TBC1D8: variants seen among roughly 807,000 people sequenced by gnomAD.
The protein encoded by TBC1D8 is BUB2-like protein 1.
In TBC1D8, 65 loss-of-function variants were observed where a neutral mutation model predicts 118.8. The ratio of observed to expected loss-of-function variants is 0.55; its 90% CI spans 0.45 to 0.67. TBC1D8 has a LOEUF of 0.67. Among genes scored for constraint, TBC1D8 ranks in the 30% least tolerant of loss-of-function variants. The pLI is 0.00. For synonymous variants in TBC1D8, 566 were observed against 595.8 expected, an observed-to-expected ratio of 0.95 and a Z score of 0.73; for missense variants, 1,376 against 1,471.2, an observed-to-expected ratio of 0.94 and a Z score of 1.06.
chr2:101,129,313 T>C (rs1276856579), intron 1 of TBC1D8, among the ~76,000 whole-genome samples: 2 of 151,998 alleles, frequency 1.3e-5, no homozygotes, highest in Non-Finnish European at 2.9e-5. Context: ...GCTAATGTTT[T>C]TGTATTTTTA....
chr2:101,105,613 T>TAG (rs1677157133), intron 1 of TBC1D8, among the ~76,000 whole-genome samples: 1 of 135,246 alleles, frequency 7.4e-6, no homozygotes, highest in African/African-American at 2.7e-5. Flanking sequence ...AAAAAACATA[T>TAG]ATATATATAT....
chr2:101,118,566 A>G lies in TBC1D8; in HGVS notation c.128-28202T>C, dbSNP rs541466955. Among the ~76,000 whole-genome samples the G allele has an allele frequency of 3.7e-4, 56 of 152,062 alleles. No homozygotes were observed. In the South Asian group the frequency reaches 4.4e-3, roughly 12 times the overall value. ...AAAAAAATTAGCCAGGCTTGGTGGC[A>G]GGCACCTGTAGTCCCAACTACTCGG... On this transcript the variant is annotated intron_variant, in intron 1 of 19. Transcript: ENST00000409318.
chr2:101,080,048 T>C (rs1054673643), intron 2 of TBC1D8, among the ~76,000 whole-genome samples: 1 of 152,094 alleles, frequency 6.6e-6, no homozygotes, highest in Non-Finnish European at 1.5e-5. Context: ...ATTTACTAGA[T>C]CTACAAGTTA....
At chr2:101,010,412 A>C (rs546450387) in intron 19 of TBC1D8, among the ~76,000 whole-genome samples, 1 of 152,258 alleles carries the variant, frequency 6.6e-6, no homozygotes, top group South Asian at 2.1e-4. Context: ...TTTATACAAA[A>C]ACTCCTCAAA....
intron 3 of TBC1D8, among the ~76,000 whole-genome samples, chr2:101,054,641 TCTCAAACAAACAATCATTTTC>T (rs1558658820): frequency 1.1e-4 from 8 of 74,048 alleles, no homozygotes; most frequent in East Asian, 4.1e-4. Flanking sequence ...TAAGCCCGGT[TCTCAAACAAACAATCATTTTC>T]TTTTCTTTTC....
intron 1 of TBC1D8, among the ~76,000 whole-genome samples, chr2:101,142,441 ATG>A (rs1422320306): frequency 5.9e-5 from 9 of 152,180 alleles, no homozygotes; most frequent in African/African-American, 2.2e-4. Flanking sequence ...CTCTAGAGAA[ATG>A]TATACCTGTG....
chr2:101,059,925 C>T (rs985186152), intron 2 of TBC1D8, among the ~76,000 whole-genome samples: 3 of 151,780 alleles, frequency 2.0e-5, no homozygotes, highest in Admixed American at 1.3e-4. Flanking sequence ...GGCGAGAGTG[C>T]GAGACTCCGT....
intron 1 of TBC1D8, among the ~76,000 whole-genome samples, chr2:101,145,919 T>G (rs1275130964): frequency 6.6e-6 from 1 of 152,264 alleles, no homozygotes; most frequent in African/African-American, 2.4e-5. Context: ...ATGTTTCTTA[T>G]GTCCTTCACT....
rs551043572 is a variant in TBC1D8 at position 101,046,955 on chromosome 2, CA to C, written c.872+3445del. ...TGATTTAATGAAGCCCATCACTCTC[CA>C]ACTACCCTCCCCAAAAAAAACAGCC... is the stretch of plus-strand genomic sequence containing the variant. On this transcript the variant is annotated intron_variant, in intron 5 of 19. Coordinates refer to ENST00000409318, the MANE Select transcript of TBC1D8 (RefSeq NM_001330348.2). 1.6e-4 allele frequency among the ~76,000 whole-genome samples: 25 copies of C among 152,320 alleles called. No homozygotes were observed. In the East Asian group the frequency reaches 4.8e-3, roughly 29 times the overall value.
chr2:101,041,109 G>A (rs571988044), intron 5 of TBC1D8, among the ~76,000 whole-genome samples: 1 of 152,286 alleles, frequency 6.6e-6, no homozygotes, highest in African/African-American at 2.4e-5. Context: ...AACATGGTGT[G>A]GTCATGTTGG....
intron 17 of TBC1D8, among the ~76,000 whole-genome samples, chr2:101,014,809 A>G (rs1228371873): frequency 6.6e-6 from 1 of 152,232 alleles, no homozygotes; most frequent in Admixed American, 6.5e-5. Context: ...AAAGTGAAGA[A>G]TCAAGATAGT....
chr2:101,078,835 T>G (rs1228810038), intron 2 of TBC1D8, among the ~76,000 whole-genome samples: 1 of 150,150 alleles, frequency 6.7e-6, no homozygotes, highest in Non-Finnish European at 1.5e-5. Flanking sequence ...AGTGAAAATG[T>G]GGGGCAAGAA....
At chr2:101,085,478 T>C (rs972305433) in intron 2 of TBC1D8, among the ~76,000 whole-genome samples, 6 of 152,190 alleles carry the variant, frequency 3.9e-5, no homozygotes, top group African/African-American at 1.4e-4. Context: ...ACATCTCGTC[T>C]AGCGAGATGC....
chr2:101,095,928 A>G (rs1676390260), intron 1 of TBC1D8, among the ~76,000 whole-genome samples: 1 of 152,084 alleles, frequency 6.6e-6, no homozygotes, highest in South Asian at 2.1e-4. Context: ...CCCATGGAAG[A>G]CTGAGATTTA....
In TBC1D8 at chr2:101,011,192, C is replaced by T. The variant is rs72976848; in HGVS notation, c.2918-166G>A. On this transcript the variant is annotated intron_variant, in intron 18 of 19. Coordinates refer to ENST00000409318, the MANE Select transcript of TBC1D8 (RefSeq NM_001330348.2). ...CCCCTGGAGAGCCAGTGGGTGGTAA[C>T]TGGGGGACTTCTGCTCTAAGAGGAC... is the stretch of plus-strand genomic sequence containing the variant. 9.2e-3 allele frequency: 6,667 copies of T among 724,326 alleles called. 329 individuals are homozygous for T. In the African/African-American group the frequency reaches 0.1, roughly 11 times the overall value. The allele number at this position is 724,326 out of a possible 1,614,324, so 44.9% of individuals were successfully genotyped here.
chr2:101,109,942 C>T, intron 1 of TBC1D8: 1 of 985,498 alleles, frequency 1.0e-6, no homozygotes, highest in African/African-American at 1.7e-5. Flanking sequence ...TGCAGGGCCG[C>T]CACCTCGTGC....
chr2:101,092,731 C>G (rs1365816748), intron 1 of TBC1D8, among the ~76,000 whole-genome samples: 1 of 152,118 alleles, frequency 6.6e-6, no homozygotes, highest in Non-Finnish European at 1.5e-5. Flanking sequence ...CTTGTACTTT[C>G]ACTACTCTGG....
At chr2:101,038,306 T>C (rs974118273) in intron 7 of TBC1D8, among the ~76,000 whole-genome samples, 155 bp downstream of exon 7, 1 of 152,080 alleles carries the variant, frequency 6.6e-6, no homozygotes, top group African/African-American at 2.4e-5. Flanking sequence ...CCCCACACCC[T>C]CTCAGGACAG....
intron 17 of TBC1D8, chr2:101,017,802 A>T: frequency 2.0e-6 from 3 of 1,534,506 alleles, no homozygotes; most frequent in Non-Finnish European, 2.6e-6. Context: ...GGACTTTTTA[A>T]TATTAGTTTT....
Sources: gnomAD v4.1 joint callset for allele counts (sites outside exome capture counted in the v4.1 genomes callset) on GRCh38, gnomAD v4.1.1 for gene constraint, MANE v1.5 for transcripts, NCBI Gene and HGNC (gene_info 2026-07-23, HGNC 2026-07-21) for gene names.